CNPPD1: variants seen among roughly 807,000 people sequenced by gnomAD.
CNPPD1 encodes the protein cyclin Pas1/PHO80 domain containing 1, also known as protein CNPPD1.
Under a neutral mutation model 43.7 loss-of-function variants are expected in CNPPD1, and 40 were observed. That is an observed-to-expected ratio of 0.92 (90% CI 0.71 to 1.19). The LOEUF (loss-of-function observed/expected upper bound fraction) is 1.19. Ranked by LOEUF, CNPPD1 falls within the 50% of genes most tolerant of loss-of-function variation. The pLI is 0.00. For synonymous variants in CNPPD1, 208 were observed against 214.3 expected (o/e 0.97, Z 0.26); for missense variants, 511 against 518.5 (o/e 0.99, Z 0.14).
rs1950130136 is a variant in CNPPD1 at position 219,174,720 on chromosome 2, T to C, written c.510+58A>G. ...AGAAGACTGAGAGAGAACAAAGGAC[T>C]AAAGGACGGTTAAAGATGGGCCAGG... is the stretch of plus-strand genomic sequence containing the variant. On this transcript the variant is annotated intron_variant, in intron 5 of 7. Transcript: ENST00000360507. 5 of 1,527,540 alleles carry C rather than the reference T, an allele frequency of 3.3e-6. No individual in the cohort carries two copies. The Admixed American group carries it at 1.1e-4, about 32-fold the overall frequency. 94.6% of individuals were successfully genotyped at this position (1,527,540 alleles called of 1,614,324 possible).
chr2:219,175,056 G>T lies in CNPPD1; in HGVS notation c.313C>A (p.Arg105=), dbSNP rs551627689. The change falls in exon 4 of 8, where the codon CGG becomes AGG. Residue 105 remains arginine, a synonymous_variant. Coordinates refer to ENST00000360507, the MANE Select transcript of CNPPD1 (RefSeq NM_015680.6). ...AMMLALVYIE[R]LRHRNPDYLQ... is the part of the protein sequence containing the mutation. ...TAGTCTGGGTTTCGGTGCCGGAGCCGTTCAATGTACACCAGAGCCAGCATC... is the reference window on the plus strand; with the variant it reads ...TAGTCTGGGTTTCGGTGCCGGAGCCTTTCAATGTACACCAGAGCCAGCATC... 3 of 1,613,136 alleles carry T rather than the reference G, an allele frequency of 1.9e-6. No homozygotes were observed. The highest frequency in any genetic ancestry group is 2.5e-6 in the Non-Finnish European group (3 of 1,179,836).
chr2:219,174,103 C>T (rs2106386239), intron 6 of CNPPD1, 43 bp downstream of exon 6: 2 of 1,592,496 alleles, frequency 1.3e-6, no homozygotes, highest in East Asian at 2.2e-5. Flanking sequence ...AGGACTCAGC[C>T]CCCAAATCCC....
chr2:219,174,558 G>A (rs1478487768), intron 5 of CNPPD1, among the ~76,000 whole-genome samples: 2 of 152,196 alleles, frequency 1.3e-5, no homozygotes, highest in Admixed American at 6.5e-5. Flanking sequence ...TGGAGGAATA[G>A]AGGAGGCGAG....
rs780464268 is a variant in CNPPD1, at chr2:219,175,712, A to AC, written c.179-41dup. On this transcript the variant is annotated intron_variant, in intron 2 of 7. Transcript: ENST00000360507. ...AGGAAGGCCGAGTGAGCAAACAAGCACCCACACCCAACACACCAGTCCCCA... is the reference window on the plus strand; with the variant it reads ...AGGAAGGCCGAGTGAGCAAACAAGCACCCCACACCCAACACACCAGTCCCCA... 1.9e-6 allele frequency: 3 copies of AC among 1,568,318 alleles called. No individual in the cohort carries two copies. In the Admixed American group the frequency reaches 5.0e-5, roughly 26 times the overall value.
chr2:219,177,065 C>T (rs1023900169), upstream of CNPPD1: 2 of 442,420 alleles, frequency 4.5e-6, no homozygotes, highest in Non-Finnish European at 8.0e-6. Flanking sequence ...GGGCCCTAGG[C>T]CCGGGAAGGG....
Position 219,174,760 on chromosome 2 carries a change from G to A in CNPPD1, c.510+18C>T. On this transcript the variant is annotated intron_variant, in intron 5 of 7. Coordinates refer to ENST00000360507, the MANE Select transcript of CNPPD1 (RefSeq NM_015680.6). ...GATGGGCCAGGGAAACTGAGCAAGA[G>A]AGAGAACAGCTGCTCACCATGGCAC... 1.3e-6 allele frequency: 2 copies of A among 1,573,006 alleles called. No individual in the cohort carries two copies. The highest frequency in any genetic ancestry group is 1.7e-6 in the Non-Finnish European group (2 of 1,158,098).
chr2:219,172,520 C>G lies in CNPPD1; in HGVS notation c.*66G>C. On this transcript the variant is annotated 3_prime_UTR_variant, in exon 8 of 8. Coordinates refer to ENST00000360507, the MANE Select transcript of CNPPD1 (RefSeq NM_015680.6). ...CCAGCGAGGCAGACAGGATCTGAATCAAGCTTTGCTCCTCCAGGTTCTCAG... is the reference window on the plus strand; with the variant it reads ...CCAGCGAGGCAGACAGGATCTGAATGAAGCTTTGCTCCTCCAGGTTCTCAG... The G allele has an allele frequency of 1.3e-6, 2 of 1,550,208 alleles. No individual in the cohort carries two copies. The highest frequency in any genetic ancestry group is 8.9e-7 in the Non-Finnish European group (1 of 1,124,258).
intron 6 of CNPPD1, 142 bp downstream of exon 6, chr2:219,174,003 TG>T: frequency 1.3e-6 from 1 of 786,826 alleles, no homozygotes; most frequent in South Asian, 1.4e-5. Flanking sequence ...AGAGGACAGA[TG>T]GGTCTGGGAA....
intron 6 of CNPPD1, among the ~76,000 whole-genome samples, 154 bp downstream of exon 6, chr2:219,173,992 A>G (rs899680636): frequency 2.6e-5 from 4 of 152,184 alleles, no homozygotes; most frequent in Non-Finnish European, 5.9e-5. Context: ...GGTGATGAAG[A>G]AGAGGACAGA....
At chr2:219,175,204 A>G (rs547647453) in intron 3 of CNPPD1, 96 bp from the exon 4 acceptor site, 4 of 1,444,498 alleles carry the variant, frequency 2.8e-6, no homozygotes, top group Non-Finnish European at 3.7e-6. Flanking sequence ...TTATCTTTGG[A>G]AAAAAACTAT....
rs761784821 is a variant in CNPPD1 at position 219,176,340 on chromosome 2, G to C, written c.70-9C>G. ...TGGTGTCCTGGGAGGAACTGAAACAGGGCAGGGGCAGCGGAGGGTGAAGGG... is the reference window on the plus strand; with the variant it reads ...TGGTGTCCTGGGAGGAACTGAAACACGGCAGGGGCAGCGGAGGGTGAAGGG... On this transcript the variant is annotated splice_polypyrimidine_tract_variant and intron_variant, in intron 1 of 7. Coordinates refer to ENST00000360507, the MANE Select transcript of CNPPD1 (RefSeq NM_015680.6). The C allele has an allele frequency of 6.3e-7, 1 of 1,592,704 alleles. No individual in the cohort carries two copies. The highest frequency in any genetic ancestry group is 8.6e-7 in the Non-Finnish European group (1 of 1,160,692).
rs772074961 is a variant in CNPPD1, at chr2:219,173,474, G to A, written c.573-7C>T. On this transcript the variant is annotated splice_region_variant and splice_polypyrimidine_tract_variant and intron_variant, in intron 6 of 7. Coordinates refer to ENST00000360507, the MANE Select transcript of CNPPD1 (RefSeq NM_015680.6). ...TCCCTGCTGCTCAGCCACACTGGGG[G>A]AAGTGGAGAAATGACAAGAGTATGC... 20 of 1,612,270 alleles carry A rather than the reference G, an allele frequency of 1.2e-5. No homozygotes were observed. The highest frequency in any genetic ancestry group is 1.5e-5 in the Non-Finnish European group (18 of 1,178,684).
Position 219,172,571 on chromosome 2 carries a change from T to C in CNPPD1, c.*15A>G, listed in dbSNP as rs1950086909. ...AAACTCCCAAACCCTCTTAATGCAT[T>C]CCTCACAGCCCTACCTAGCCTGGGA... is the stretch of plus-strand genomic sequence containing the variant. On this transcript the variant is annotated 3_prime_UTR_variant, in exon 8 of 8. Coordinates refer to ENST00000360507, the MANE Select transcript of CNPPD1 (RefSeq NM_015680.6). The C allele has an allele frequency of 2.5e-6, 4 of 1,613,420 alleles. No individual in the cohort carries two copies. The highest frequency in any genetic ancestry group is 3.4e-6 in the Non-Finnish European group (4 of 1,179,652).
chr2:219,173,073 G>A lies in CNPPD1; in HGVS notation c.746C>T (p.Ser249Leu), dbSNP rs200203236. Residue 249 changes from serine to leucine, a missense_variant, in exon 8 of 8, where the codon TCG becomes TTG. Physicochemically the swap from Ser to Leu is moderately radical, Grantham distance 145 (BLOSUM62 -2). Coordinates refer to ENST00000360507, the MANE Select transcript of CNPPD1 (RefSeq NM_015680.6). Reference sequence around the variant, plus strand: ...CAAAGACTGATGTATTACGGCCACCGATGCCACAGCCAGGGCCACACTGCT... The same window carrying A: ...CAAAGACTGATGTATTACGGCCACCAATGCCACAGCCAGGGCCACACTGCT... ...YVSSVALAVA[S>L]VAVIHQSLGL... is the part of the protein sequence containing the mutation. The A allele has an allele frequency of 3.9e-5, 63 of 1,608,402 alleles. No individual in the cohort carries two copies. The highest frequency in any genetic ancestry group is 1.7e-4 in the Middle Eastern group (1 of 6,050).
chr2:219,174,053 C>T (rs113741936), intron 6 of CNPPD1, 93 bp downstream of exon 6: 64 of 1,202,470 alleles, frequency 5.3e-5, no homozygotes, highest in African/African-American at 4.5e-4. Flanking sequence ...CTCCTCCCTC[C>T]CCCAGTTACA....
upstream of CNPPD1, chr2:219,177,136 G>T: frequency 3.2e-6 from 1 of 308,646 alleles, no homozygotes; most frequent in Non-Finnish European, 6.0e-6. Context: ...CGGCTGCGAG[G>T]CGCGTACTCC....
At chr2:219,174,666 G>A (rs1950129306) in intron 5 of CNPPD1, 112 bp downstream of exon 5, 2 of 1,409,666 alleles carry the variant, frequency 1.4e-6, no homozygotes, top group Non-Finnish European at 1.9e-6. Context: ...AAGGCAGGAG[G>A]AGGACAGGAA....
chr2:219,172,764 C>A lies in CNPPD1; in HGVS notation c.1055G>T (p.Cys352Phe). The A allele has an allele frequency of 6.2e-7, 1 of 1,608,728 alleles. No homozygotes were observed. Among genetic ancestry groups the A allele is most frequent in the Non-Finnish European group, 8.5e-7 (1 of 1,177,286 alleles). ...GGGGACTGTACGGTTGGGGTGGAGG[C>A]AGGCATGGCAGGTTGGGGAGTCTCT... ...LQRDSPTCHA[C>F]LHPNRTVPTA... Residue 352 changes from cysteine to phenylalanine, a missense_variant, in exon 8 of 8, where the codon TGC (cysteine) becomes TTC (phenylalanine). Cys to Phe is a radical substitution (Grantham distance 205, BLOSUM62 -2). Transcript: ENST00000360507.
upstream of CNPPD1, chr2:219,177,997 G>T (rs1201353956): frequency 6.3e-6 from 1 of 158,900 alleles, no homozygotes; most frequent in African/African-American, 2.4e-5. Flanking sequence ...CCCACACGGG[G>T]ATACCGGGGC....
Sources: gnomAD v4.1 joint callset for allele counts (sites outside exome capture counted in the v4.1 genomes callset) on GRCh38, gnomAD v4.1.1 for gene constraint, MANE v1.5 for transcripts, NCBI Gene and HGNC (gene_info 2026-07-23, HGNC 2026-07-21) for gene names.